PPP2R5C: variants seen among roughly 807,000 people sequenced by gnomAD.
The protein encoded by PPP2R5C is serine/threonine-protein phosphatase 2A 56 kDa regulatory subunit gamma isoform.
In PPP2R5C, 7 loss-of-function variants were observed where a neutral mutation model predicts 68.9. The observed-to-expected ratio is 0.10, with a 90% confidence interval of 0.06 to 0.19. The LOEUF is 0.19. PPP2R5C is among the 10% of genes least tolerant of loss of function. The pLI, the probability that PPP2R5C is intolerant of heterozygous loss-of-function variation, is 1.00. For synonymous variants in PPP2R5C, 210 were observed against 222.2 expected, an observed-to-expected ratio of 0.95 and a Z score of 0.49; for missense variants, 348 against 641.3, an observed-to-expected ratio of 0.54 and a Z score of 4.94.
intron 1 of PPP2R5C, among the ~76,000 whole-genome samples, chr14:101,856,160 C>G (rs1362346293): frequency 6.6e-6 from 1 of 152,186 alleles, no homozygotes. Flanking sequence ...GCTCTGTCAT[C>G]TAGCAAGCGT....
intron 2 of PPP2R5C, among the ~76,000 whole-genome samples, chr14:101,871,156 G>T (rs1333869985): frequency 6.6e-6 from 1 of 151,862 alleles, no homozygotes; most frequent in Non-Finnish European, 1.5e-5. Flanking sequence ...TGATCAGTTC[G>T]TATCTTTATA....
intron 1 of PPP2R5C, among the ~76,000 whole-genome samples, chr14:101,828,626 G>A (rs2040545358): frequency 6.6e-6 from 1 of 150,908 alleles, no homozygotes; most frequent in South Asian, 2.1e-4. Context: ...TTTCTGCTTT[G>A]GGACAAGCAG....
chr14:101,846,524 A>G lies in PPP2R5C; in HGVS notation c.95-10162A>G, dbSNP rs149459479. ...ACAAACAGTACGAGAAGATTAACCC[A>G]ATTTTGAAGTTATGTAGGTGCTAAG... On this transcript the variant is annotated intron_variant, in intron 1 of 13. Coordinates refer to ENST00000334743, the Ensembl canonical transcript of PPP2R5C. 2.5e-3 allele frequency among the ~76,000 whole-genome samples: 377 copies of G among 152,338 alleles called. 2 individuals carry two copies. The highest frequency in any genetic ancestry group is 8.7e-3 in the African/African-American group (361 of 41,584).
chr14:101,799,175 G>T (rs571648491), intron 3 of PPP2R5C, among the ~76,000 whole-genome samples: 16 of 152,300 alleles, frequency 1.1e-4, no homozygotes, highest in Non-Finnish European at 8.8e-5. Context: ...GATGAGGGTG[G>T]TCTAAGCCGA....
intron 2 of PPP2R5C, among the ~76,000 whole-genome samples, chr14:101,857,862 T>C (rs892017365): frequency 6.6e-6 from 1 of 152,218 alleles, no homozygotes; most frequent in Non-Finnish European, 1.5e-5. Flanking sequence ...TCCAAAGCTA[T>C]ATATTTCAGA....
intron 2 of PPP2R5C, among the ~76,000 whole-genome samples, chr14:101,773,159 G>A (rs1046682737): frequency 4.6e-5 from 7 of 152,306 alleles, no homozygotes; most frequent in Non-Finnish European, 7.4e-5. Context: ...TCCTGCACTC[G>A]TGGAGTTTGC....
At chr14:101,772,446 C>CTTAT (rs990865063) in intron 2 of PPP2R5C, among the ~76,000 whole-genome samples, 1 of 152,084 alleles carries the variant, frequency 6.6e-6, no homozygotes, top group African/African-American at 2.4e-5. Flanking sequence ...GACATTTTCT[C>CTTAT]TTATTTATTT....
At chr14:101,922,138 T>A (rs746781) in intron 13 of PPP2R5C, 1 of 985,108 alleles carries the variant, frequency 1.0e-6, no homozygotes. Flanking sequence ...ACATGAAGTA[T>A]TTTCCCTTTT....
At chr14:101,839,992 AAAAG>A (rs1185002030) in intron 1 of PPP2R5C, among the ~76,000 whole-genome samples, 1 of 152,024 alleles carries the variant, frequency 6.6e-6, no homozygotes, top group Non-Finnish European at 1.5e-5. Flanking sequence ...TATTTTTCTG[AAAAG>A]AAAATTCTTC....
chr14:101,763,677 A>G (rs965545712), intron 2 of PPP2R5C, among the ~76,000 whole-genome samples: 6 of 152,052 alleles, frequency 3.9e-5, no homozygotes, highest in South Asian at 4.2e-4. Context: ...CACCGTGCCC[A>G]TCCTGGATCT....
At chr14:101,790,488 C>T (rs1278551351) in intron 3 of PPP2R5C, among the ~76,000 whole-genome samples, 1 of 152,254 alleles carries the variant, frequency 6.6e-6, no homozygotes, top group Non-Finnish European at 1.5e-5. Flanking sequence ...TTCTTCCGGA[C>T]ACTTCATATA....
intron 1 of PPP2R5C, among the ~76,000 whole-genome samples, chr14:101,850,541 A>G (rs1290028862): frequency 6.6e-6 from 1 of 152,318 alleles, no homozygotes; most frequent in Non-Finnish European, 1.5e-5. Flanking sequence ...AATCCTGCCA[A>G]ATTCTTAAGT....
Position 101,914,327 on chromosome 14 carries a change from CAG to C in PPP2R5C, c.1326+1856_1326+1857del, listed in dbSNP as rs1265856777. The C allele has an allele frequency of 1.4e-5, 5 of 362,654 alleles. No individual in the cohort carries two copies. The East Asian group carries it at 3.9e-4, about 28-fold the overall frequency. The allele number at this position is 362,654 out of a possible 1,614,324, so 22.5% of individuals were successfully genotyped here. On this transcript the variant is annotated intron_variant, in intron 12 of 13. Transcript: ENST00000334743. ...GTCGCATGGCACATGGTCTCCTAAA[CAG>C]AAAATACTTCATGGGTCAATACCTC...
At chr14:101,859,107 C>T (rs2042608311) in intron 2 of PPP2R5C, among the ~76,000 whole-genome samples, 1 of 152,240 alleles carries the variant, frequency 6.6e-6, no homozygotes, top group African/African-American at 2.4e-5. Context: ...TAAGCAGACA[C>T]TGAGCATCCA....
intron 2 of PPP2R5C, among the ~76,000 whole-genome samples, chr14:101,858,835 C>A (rs889644248): frequency 6.6e-5 from 10 of 152,168 alleles, no homozygotes; most frequent in Admixed American, 5.9e-4. Context: ...AGGTCAAATG[C>A]CCGCCCTTGA....
chr14:101,904,747 G>A (rs1302056652), intron 9 of PPP2R5C, among the ~76,000 whole-genome samples: 2 of 152,208 alleles, frequency 1.3e-5, no homozygotes, highest in Non-Finnish European at 2.9e-5. Flanking sequence ...GGCAGGAGAA[G>A]CGTCAGCCCC....
chr14:101,761,745 A>G, upstream of PPP2R5C: 14 of 967,698 alleles, frequency 1.4e-5, no homozygotes, highest in Non-Finnish European at 1.7e-5. Flanking sequence ...GAGTCTGGAA[A>G]AGGGGAAGCG....
intron 2 of PPP2R5C, chr14:101,765,583 T>C (rs2036810598): frequency 9.3e-6 from 2 of 213,940 alleles, no homozygotes. Context: ...TTTTTTTTTT[T>C]TTGAGACAGA....
intron 1 of PPP2R5C, among the ~76,000 whole-genome samples, chr14:101,815,947 G>A (rs1417299812): frequency 6.6e-6 from 1 of 152,204 alleles, no homozygotes; most frequent in East Asian, 1.9e-4. Flanking sequence ...TGGGATTGTA[G>A]GCATGAGCCA....
Sources: gnomAD v4.1 joint callset for allele counts (sites outside exome capture counted in the v4.1 genomes callset) on GRCh38, gnomAD v4.1.1 for gene constraint, MANE v1.5 for transcripts, NCBI Gene and HGNC (gene_info 2026-07-23, HGNC 2026-07-21) for gene names.